SPATA16: variants seen among roughly 807,000 people sequenced by gnomAD.
SPATA16 encodes the protein spermatogenesis associated 16.
SPATA16 carries 36 observed loss-of-function variants against 63.3 expected under a neutral mutation model. That is an observed-to-expected ratio of 0.57 (90% CI 0.44 to 0.75). The LOEUF (loss-of-function observed/expected upper bound fraction) is 0.75. Ranked by LOEUF, SPATA16 falls within the 30% of genes least tolerant of loss-of-function variation. The pLI, the probability that SPATA16 is intolerant of heterozygous loss-of-function variation, is 0.00. For synonymous variants in SPATA16, 203 were observed against 216.7 expected (o/e 0.94, Z 0.56); for missense variants, 646 against 679.3 (o/e 0.95, Z 0.54).
intron 6 of SPATA16, among the ~76,000 whole-genome samples, chr3:172,933,057 A>G (rs1231618758): frequency 6.6e-6 from 1 of 152,154 alleles, no homozygotes; most frequent in African/African-American, 2.4e-5. Context: ...ATGTTTAATG[A>G]GCTGTATTGG....
At chr3:172,940,449 C>G (rs960029597) in intron 6 of SPATA16, among the ~76,000 whole-genome samples, 2 of 152,044 alleles carry the variant, frequency 1.3e-5, no homozygotes, top group African/African-American at 4.8e-5. Flanking sequence ...GGCAAAACAA[C>G]AAATAGCAGA....
intron 10 of SPATA16, among the ~76,000 whole-genome samples, chr3:172,907,566 G>A (rs1732270198): frequency 6.7e-6 from 1 of 149,010 alleles, no homozygotes; most frequent in African/African-American, 2.5e-5. Context: ...CCAATCTCAG[G>A]TTTGGTGTTT....
At chr3:173,023,841 A>G (rs1180816577) in intron 3 of SPATA16, among the ~76,000 whole-genome samples, 2 of 151,602 alleles carry the variant, frequency 1.3e-5, no homozygotes, top group Non-Finnish European at 3.0e-5. Context: ...ATATTCACAT[A>G]TCTATGTATA....
intron 3 of SPATA16, among the ~76,000 whole-genome samples, chr3:173,041,284 C>T (rs1164989231): frequency 1.3e-5 from 2 of 152,126 alleles, no homozygotes; most frequent in African/African-American, 2.4e-5. Context: ...AACTCATGCA[C>T]ACATGGGCAC....
At chr3:173,096,956 A>G (rs1472838852) in intron 2 of SPATA16, among the ~76,000 whole-genome samples, 1 of 152,224 alleles carries the variant, frequency 6.6e-6, no homozygotes, top group Admixed American at 6.5e-5. Context: ...ATCAAGTTTT[A>G]GAAAGAATAT....
intron 2 of SPATA16, among the ~76,000 whole-genome samples, chr3:173,092,943 C>G (rs1737258282): frequency 6.6e-6 from 1 of 151,870 alleles, no homozygotes; most frequent in Admixed American, 6.6e-5. Context: ...GTAGTCCCCT[C>G]CTGTTATTCT....
chr3:172,924,160 T>C, intron 8 of SPATA16, 48 bp downstream of exon 8: 1 of 1,409,406 alleles, frequency 7.1e-7, no homozygotes, highest in Non-Finnish European at 1.0e-6. Context: ...CTTCTAGAAT[T>C]CTCTAATATT....
chr3:172,987,250 A>G (rs1351590762), intron 4 of SPATA16, among the ~76,000 whole-genome samples: 1 of 152,206 alleles, frequency 6.6e-6, no homozygotes, highest in Non-Finnish European at 1.5e-5. Context: ...ACTGGTAATC[A>G]CAGGCCAGCA....
At chr3:172,896,698 G>C (rs1732016726) in intron 10 of SPATA16, among the ~76,000 whole-genome samples, 3 of 152,016 alleles carry the variant, frequency 2.0e-5, no homozygotes, top group Non-Finnish European at 2.9e-5. Flanking sequence ...TTCCCTAATG[G>C]CTAGTGATGT....
intron 10 of SPATA16, among the ~76,000 whole-genome samples, chr3:172,913,256 G>C (rs569641952): frequency 1.1e-4 from 17 of 152,274 alleles, no homozygotes; most frequent in South Asian, 4.1e-4. Flanking sequence ...ACATCAATGT[G>C]CTAGTTTCTT....
intron 5 of SPATA16, among the ~76,000 whole-genome samples, chr3:172,971,217 T>C (rs75626538): frequency 0.039 from 5,998 of 152,294 alleles, 401 homozygotes; most frequent in African/African-American, 0.14. Flanking sequence ...AAAATTCTAT[T>C]GATCCCAAAC....
chr3:173,094,093 G>A (rs916890230), intron 2 of SPATA16, among the ~76,000 whole-genome samples: 1 of 129,492 alleles, frequency 7.7e-6, no homozygotes, highest in African/African-American at 3.0e-5. Context: ...TGTTTTCTTT[G>A]TATAGTAACA....
chr3:172,984,826 A>C (rs922039448), intron 4 of SPATA16, among the ~76,000 whole-genome samples: 8 of 152,234 alleles, frequency 5.3e-5, no homozygotes, highest in African/African-American at 1.9e-4. Context: ...ACAACAAAAA[A>C]CAACGGTACT....
In SPATA16 at chr3:172,956,522, T is replaced by G. The variant is rs562638102; in HGVS notation, c.1081+155A>C. On this transcript the variant is annotated intron_variant, in intron 6 of 10. Transcript: ENST00000351008. ...GCTAGAACTATAAGGCTATCCTTAT[T>G]TAAAACCTTAAAAATTTCTTTCCGT... 8.5e-5 allele frequency among the ~76,000 whole-genome samples: 13 copies of G among 152,290 alleles called. No individual in the cohort carries two copies. The South Asian group carries it at 1.9e-3, about 22-fold the overall frequency.
At position 173,117,464 on chromosome 3, in the gene SPATA16, C is replaced by G. The variant is rs1453324805; in HGVS notation, c.268G>C (p.Glu90Gln). The change falls in exon 2 of 11, where the codon GAA becomes CAA. Residue 90 changes from glutamate to glutamine, a missense_variant. Glu to Gln is a conservative substitution (Grantham distance 29). Transcript: ENST00000351008. The part of the protein sequence containing the change: ...AAFKRKAEGE[E>Q]KPTRKKQAKI... The stretch of plus-strand genomic sequence containing the variant: ...GCCTGTTTCTTTCTAGTTGGCTTTT[C>G]TTCACCTTCTGCCTTCCGTTTAAAG... 3 of 1,614,000 alleles carry G rather than the reference C, an allele frequency of 1.9e-6. No individual in the cohort carries two copies. The East Asian group carries it at 6.7e-5, about 36-fold the overall frequency.
chr3:173,057,689 C>T (rs1736269755), intron 2 of SPATA16, among the ~76,000 whole-genome samples: 1 of 152,178 alleles, frequency 6.6e-6, no homozygotes, highest in African/African-American at 2.4e-5. Context: ...AATCACGCAC[C>T]AGAGCCACAC....
intron 5 of SPATA16, among the ~76,000 whole-genome samples, chr3:172,964,549 A>G (rs540132917): frequency 6.6e-5 from 10 of 152,352 alleles, no homozygotes; most frequent in East Asian, 5.8e-4. Context: ...ACAACTGGGT[A>G]TTACTAATGA....
chr3:173,040,808 G>T (rs1735821628), intron 3 of SPATA16, among the ~76,000 whole-genome samples: 2 of 152,080 alleles, frequency 1.3e-5, no homozygotes, highest in South Asian at 4.1e-4. Flanking sequence ...GGAGAACTAA[G>T]TGAGATAGCT....
chr3:173,123,641 T>C (rs1329129513), intron 1 of SPATA16, among the ~76,000 whole-genome samples: 1 of 150,694 alleles, frequency 6.6e-6, no homozygotes, highest in Admixed American at 6.6e-5. Context: ...TTCCCTCTTA[T>C]CACCCAGGCT....
Sources: allele counts gnomAD v4.1 joint callset (sites outside exome capture counted in the v4.1 genomes callset), GRCh38; gene constraint gnomAD v4.1.1; transcripts MANE v1.5; gene names NCBI Gene and HGNC (gene_info 2026-07-23, HGNC 2026-07-21).